The following AOAH variants were observed in gnomAD, a reference collection of about 807,000 sequenced individuals.
The protein encoded by AOAH is acyloxyacyl hydrolase, also known as acyloxyacyl hydrolase (neutrophil).
In AOAH, 64 loss-of-function variants were observed where a neutral mutation model predicts 92.2. That is an observed-to-expected ratio of 0.69 (90% CI 0.57 to 0.86). AOAH has a LOEUF of 0.86. AOAH is among the 40% of genes least tolerant of loss of function. AOAH has a pLI of 0.00. For synonymous variants in AOAH, 263 were observed against 254.5 expected, an observed-to-expected ratio of 1.03 and a Z score of -0.32; for missense variants, 656 against 694.6, an observed-to-expected ratio of 0.94 and a Z score of 0.62.
chr7:36,618,763 G>C (rs887770243), intron 9 of AOAH, among the ~76,000 whole-genome samples: 15 of 152,116 alleles, frequency 9.9e-5, no homozygotes, highest in African/African-American at 3.6e-4. Context: ...ATTCTCAAGG[G>C]GTCCATTTTG....
In AOAH at chr7:36,555,719, C is replaced by T. The variant is rs552908358; in HGVS notation, c.1022-6244G>A. The stretch of plus-strand genomic sequence containing the variant: ...TCTTCCTGGTTTAGTCTTGGGAGAG[C>T]GTATGTGTCAAGGAATTTATCCATT... On this transcript the variant is annotated intron_variant, in intron 13 of 20. Transcript: ENST00000617537. 2.7e-4 allele frequency among the ~76,000 whole-genome samples: 41 copies of T among 152,108 alleles called. No homozygotes were observed. The South Asian group carries it at 3.5e-3, about 13-fold the overall frequency.
At chr7:36,555,678 A>T (rs1161567128) in intron 13 of AOAH, among the ~76,000 whole-genome samples, 1 of 152,140 alleles carries the variant, frequency 6.6e-6, no homozygotes, top group Non-Finnish European at 1.5e-5. Flanking sequence ...TTATTGGTCT[A>T]TTCAGAGATT....
chr7:36,519,937 CAAT>C (rs766803639), intron 20 of AOAH, among the ~76,000 whole-genome samples: 5 of 152,204 alleles, frequency 3.3e-5, no homozygotes, highest in Non-Finnish European at 7.3e-5. Flanking sequence ...GGTAGTCACT[CAAT>C]AAATAGTTTT....
In AOAH at chr7:36,686,808, G is replaced by A. The variant is rs368054251; in HGVS notation, c.128-14C>T. 2.6e-6 allele frequency: 4 copies of A among 1,513,864 alleles called. No homozygotes were observed. Among genetic ancestry groups the A allele is most frequent in the Non-Finnish European group, 3.5e-6 (4 of 1,126,790 alleles). The allele number at this position is 1,513,864 out of a possible 1,614,324, so 93.8% of individuals were successfully genotyped here. ...CCAGCACACACCCTGCCAGGGAGGA[G>A]AAGAACATGTAATCTGTGTCACACA... On this transcript the variant is annotated splice_polypyrimidine_tract_variant and intron_variant, in intron 1 of 20. Transcript: ENST00000617537.
chr7:36,710,649 G>C (rs933834872), intron 1 of AOAH, among the ~76,000 whole-genome samples: 11 of 152,202 alleles, frequency 7.2e-5, no homozygotes, highest in African/African-American at 2.7e-4. Context: ...TTATCACGGA[G>C]CAATAGAAAG....
intron 1 of AOAH, among the ~76,000 whole-genome samples, chr7:36,696,908 G>T (rs1249808364): frequency 6.6e-6 from 1 of 151,904 alleles, no homozygotes; most frequent in African/African-American, 2.4e-5. Context: ...TTTGAATCCT[G>T]CTAAACTCGC....
rs567311034 is a variant in AOAH at position 36,582,622 on chromosome 7, C to T, written c.939-5966G>A. Among the ~76,000 whole-genome samples the T allele has an allele frequency of 3.9e-5, 6 of 152,248 alleles. No individual in the cohort carries two copies. In the Middle Eastern group the frequency reaches 0.01, roughly 259 times the overall value. ...TCGGTAGAACAAAACAGAGTAATAT[C>T]AAGAATGGGCCTCAAGAGTAATGTA... On this transcript the variant is annotated intron_variant, in intron 12 of 20. Transcript: ENST00000617537.
chr7:36,554,026 G>T (rs971948760), intron 13 of AOAH, among the ~76,000 whole-genome samples: 22 of 152,268 alleles, frequency 1.4e-4, no homozygotes, highest in African/African-American at 5.3e-4. Context: ...TGTTGCCATT[G>T]CTTTTGGTGT....
At chr7:36,677,003 T>TA (rs1796290992) in intron 2 of AOAH, among the ~76,000 whole-genome samples, 1 of 152,018 alleles carries the variant, frequency 6.6e-6, no homozygotes, top group Non-Finnish European at 1.5e-5. Flanking sequence ...GCATAAATCT[T>TA]ACTGACTTTG....
At position 36,556,415 on chromosome 7, in the gene AOAH, A is replaced by G. The variant is rs1026712397; in HGVS notation, c.1022-6940T>C. Among the ~76,000 whole-genome samples the G allele has an allele frequency of 1.9e-3, 283 of 152,046 alleles. 2 individuals carry two copies. The highest frequency in any genetic ancestry group is 3.2e-3 in the Non-Finnish European group (219 of 68,014). ...AGCTTTACTTCCAACTATGTGGTCA[A>G]TTTTGGAATAGGTGTGGTGTGGTGA... is the stretch of plus-strand genomic sequence containing the variant. On this transcript the variant is annotated intron_variant, in intron 13 of 20. Coordinates refer to ENST00000617537, the MANE Select transcript of AOAH (RefSeq NM_001637.4).
intron 1 of AOAH, among the ~76,000 whole-genome samples, chr7:36,716,625 A>T (rs374449343): frequency 1.5e-5 from 1 of 66,528 alleles, no homozygotes; most frequent in Non-Finnish European, 3.1e-5. Flanking sequence ...CATACACACC[A>T]TGGAATACTA....
At chr7:36,567,054 C>A (rs960606647) in intron 13 of AOAH, among the ~76,000 whole-genome samples, 19 of 152,162 alleles carry the variant, frequency 1.2e-4, no homozygotes, top group Non-Finnish European at 2.8e-4. Flanking sequence ...TCAAGTGATG[C>A]ACCCACCTCG....
intron 19 of AOAH, among the ~76,000 whole-genome samples, chr7:36,524,490 C>T (rs1174252833): frequency 1.7e-4 from 19 of 109,854 alleles, no homozygotes; most frequent in African/African-American, 6.1e-4. Context: ...ACTAAAAATA[C>T]AAAAGAAAAC....
chr7:36,610,159 CAA>C (rs71553082), intron 11 of AOAH, among the ~76,000 whole-genome samples: 33 of 49,256 alleles, frequency 6.7e-4, no homozygotes, highest in African/African-American at 2.4e-3. Context: ...TCCATAATAG[CAA>C]AAAAAAAAAA....
chr7:36,517,938 CACACA>C (rs1335444115), intron 20 of AOAH, among the ~76,000 whole-genome samples: 81 of 67,030 alleles, frequency 1.2e-3, no homozygotes, highest in African/African-American at 3.3e-3. Flanking sequence ...CACCCACACA[CACACA>C]CCCACACACA....
chr7:36,653,256 C>G (rs533684488), intron 4 of AOAH, among the ~76,000 whole-genome samples: 27 of 152,250 alleles, frequency 1.8e-4, no homozygotes, highest in Admixed American at 1.6e-3. Flanking sequence ...TACAGAATCT[C>G]AGGAAGTGTC....
At chr7:36,562,903 C>G (rs55810676) in intron 13 of AOAH, among the ~76,000 whole-genome samples, 12 of 151,978 alleles carry the variant, frequency 7.9e-5, no homozygotes, top group African/African-American at 7.3e-5. Flanking sequence ...AATCCCAGCA[C>G]TTTGGGAGGC....
rs1411490622 is a variant in AOAH at position 36,548,600 on chromosome 7, T to C, written c.1133+12A>G. The C allele has an allele frequency of 6.2e-7, 1 of 1,611,102 alleles. No homozygotes were observed. Among genetic ancestry groups the C allele is most frequent in the South Asian group, 1.1e-5 (1 of 91,026 alleles). On this transcript the variant is annotated intron_variant, in intron 15 of 20. Coordinates refer to ENST00000617537, the MANE Select transcript of AOAH (RefSeq NM_001637.4). ...CAAAGAATCTTGAAAATACTTTTTC[T>C]CAATAACTCACCCACTGCAGACATC...
chr7:36,553,052 C>A (rs1786397103), intron 13 of AOAH, among the ~76,000 whole-genome samples: 1 of 151,280 alleles, frequency 6.6e-6, no homozygotes, highest in Non-Finnish European at 1.5e-5. Flanking sequence ...ATCTGCCATG[C>A]TGGTGCGCTG....
Sources: allele counts gnomAD v4.1 joint callset (sites outside exome capture counted in the v4.1 genomes callset), GRCh38; gene constraint gnomAD v4.1.1; transcripts MANE v1.5; gene names NCBI Gene and HGNC (gene_info 2026-07-23, HGNC 2026-07-21).